Variants in BICD1 observed in about 807,000 individuals in gnomAD.
The protein encoded by BICD1 is BICD cargo adaptor 1, also known as protein bicaudal D homolog 1.
A neutral mutation model predicts 92.5 loss-of-function variants in BICD1; 35 were observed. That is an observed-to-expected ratio of 0.38 (90% CI 0.29 to 0.50). BICD1 has a LOEUF of 0.50. BICD1 is among the 20% of genes least tolerant of loss of function. BICD1 has a pLI of 0.93. For missense variants in BICD1, 950 were observed against 1,189.8 expected (o/e 0.80, Z 2.97); for synonymous variants, 429 against 465.1 (o/e 0.92, Z 1.00).
chr12:32,358,827 G>A (rs1476371244), intron 8 of BICD1, among the ~76,000 whole-genome samples: 1 of 152,108 alleles, frequency 6.6e-6, no homozygotes, highest in African/African-American at 2.4e-5. Flanking sequence ...GTTTTTACAA[G>A]GATTCAAGAG....
At chr12:32,190,428 A>G (rs763274070) in intron 1 of BICD1, among the ~76,000 whole-genome samples, 2 of 152,368 alleles carry the variant, frequency 1.3e-5, no homozygotes, top group Non-Finnish European at 2.9e-5. Flanking sequence ...AATAGTAATC[A>G]AAAGAGAGCA....
At chr12:32,223,834 T>C (rs1220715072) in intron 2 of BICD1, among the ~76,000 whole-genome samples, 1 of 152,162 alleles carries the variant, frequency 6.6e-6, no homozygotes, top group African/African-American at 2.4e-5. Flanking sequence ...CTAATTTCAA[T>C]ATTGTCTTAT....
chr12:32,318,919 AATTTT>A (rs1948577926), intron 4 of BICD1, among the ~76,000 whole-genome samples: 1 of 152,166 alleles, frequency 6.6e-6, no homozygotes, highest in South Asian at 2.1e-4. Context: ...TTGTTTTATT[AATTTT>A]ATTTTTCATT....
chr12:32,321,945 G>A (rs1015540920), intron 4 of BICD1, among the ~76,000 whole-genome samples: 43 of 151,308 alleles, frequency 2.8e-4, no homozygotes, highest in African/African-American at 1.0e-3. Context: ...GTTGCAGTGA[G>A]CCGAGATCAC....
chr12:32,335,185 C>T (rs1025035619), intron 6 of BICD1, among the ~76,000 whole-genome samples: 1 of 150,800 alleles, frequency 6.6e-6, no homozygotes, highest in Non-Finnish European at 1.5e-5. Flanking sequence ...GAGTCTTACT[C>T]TGTTGCCCAG....
intron 8 of BICD1, 42 bp downstream of exon 8, chr12:32,339,021 G>A (rs370800235): frequency 6.5e-6 from 10 of 1,544,950 alleles, no homozygotes; most frequent in Non-Finnish European, 8.7e-6. Flanking sequence ...CAAATGATTA[G>A]TTGAATAGAC....
chr12:32,123,997 C>T (rs755320826), intron 1 of BICD1, among the ~76,000 whole-genome samples: 7 of 152,212 alleles, frequency 4.6e-5, no homozygotes, highest in Non-Finnish European at 8.8e-5. Flanking sequence ...ACTGCGCTGA[C>T]TTGCCTGGTT....
chr12:32,304,772 C>CT (rs1313438678), intron 3 of BICD1, among the ~76,000 whole-genome samples: 2 of 152,276 alleles, frequency 1.3e-5, no homozygotes, highest in African/African-American at 4.8e-5. Context: ...AATCCTAGCA[C>CT]TTTGGGAGGC....
At chr12:32,247,531 C>A (rs559993577) in intron 2 of BICD1, among the ~76,000 whole-genome samples, 2 of 152,068 alleles carry the variant, frequency 1.3e-5, no homozygotes, top group African/African-American at 2.4e-5. Flanking sequence ...GTAATCCCAG[C>A]ACTTTGGGAG....
At chr12:32,241,599 T>C (rs1946236891) in intron 2 of BICD1, among the ~76,000 whole-genome samples, 2 of 152,196 alleles carry the variant, frequency 1.3e-5, no homozygotes, top group African/African-American at 2.4e-5. Flanking sequence ...GGCCTTGAAA[T>C]TGATCTGTTC....
intron 4 of BICD1, among the ~76,000 whole-genome samples, chr12:32,321,281 A>G (rs1414896859): frequency 2.0e-5 from 3 of 152,132 alleles, no homozygotes; most frequent in Non-Finnish European, 4.4e-5. Flanking sequence ...ATCCAAGATC[A>G]CACCACTGCA....
intron 1 of BICD1, among the ~76,000 whole-genome samples, chr12:32,189,468 G>T (rs142364650): frequency 2.1e-4 from 32 of 152,248 alleles, no homozygotes; most frequent in African/African-American, 7.5e-4. Context: ...GAGGCATGAG[G>T]TGAAAACCAA....
chr12:32,306,463 C>G (rs1392781938), intron 4 of BICD1, among the ~76,000 whole-genome samples: 1 of 151,920 alleles, frequency 6.6e-6, no homozygotes, highest in Non-Finnish European at 1.5e-5. Flanking sequence ...CCAGGATGGT[C>G]TCGATCTCCT....
intron 1 of BICD1, among the ~76,000 whole-genome samples, chr12:32,149,587 T>C (rs1240570053): frequency 6.6e-6 from 1 of 152,124 alleles, no homozygotes; most frequent in Non-Finnish European, 1.5e-5. Context: ...AGAGAAAAAT[T>C]AGTGTCAGAG....
intron 1 of BICD1, among the ~76,000 whole-genome samples, chr12:32,201,664 C>A (rs11051845): frequency 0.18 from 27,260 of 151,776 alleles, 3,066 homozygotes; most frequent in East Asian, 0.28. Flanking sequence ...ATGATAAAGA[C>A]ACTCATTGGC....
chr12:32,302,643 T>G (rs1441764233), intron 3 of BICD1, among the ~76,000 whole-genome samples: 1 of 152,230 alleles, frequency 6.6e-6, no homozygotes, highest in Non-Finnish European at 1.5e-5. Context: ...CTCATAATCT[T>G]AAGTAATGTA....
intron 1 of BICD1, among the ~76,000 whole-genome samples, chr12:32,112,071 A>G (rs557301050): frequency 2.0e-4 from 25 of 123,390 alleles, no homozygotes; most frequent in Non-Finnish European, 3.8e-4. Flanking sequence ...CAATGGTGTG[A>G]TCTCGGCTCA....
At chr12:32,338,274 A>G (rs1938215470) in intron 7 of BICD1, 1 of 175,260 alleles carries the variant, frequency 5.7e-6, no homozygotes, top group Admixed American at 5.5e-5. Flanking sequence ...TCTTAGGGAA[A>G]CTTTTGTCCA....
intron 8 of BICD1, among the ~76,000 whole-genome samples, chr12:32,363,302 C>G (rs1939402955): frequency 6.6e-6 from 1 of 152,102 alleles, no homozygotes; most frequent in South Asian, 2.1e-4. Flanking sequence ...ACTTGTAGTC[C>G]CATCTACTCA....
Sources: allele counts gnomAD v4.1 joint callset (sites outside exome capture counted in the v4.1 genomes callset), GRCh38; gene constraint gnomAD v4.1.1; transcripts MANE v1.5; gene names NCBI Gene and HGNC (gene_info 2026-07-23, HGNC 2026-07-21).